The following PRRT4 variants were observed in gnomAD, a reference collection of about 807,000 sequenced individuals.
PRRT4 encodes proline rich transmembrane protein 4.
PRRT4 carries 59 observed loss-of-function variants against 55.6 expected under a neutral mutation model. The ratio of observed to expected loss-of-function variants is 1.06; its 90% CI spans 0.86 to 1.32. The LOEUF (loss-of-function observed/expected upper bound fraction) is 1.32. PRRT4 is among the 40% of genes most tolerant of loss of function. PRRT4 has a pLI of 0.00. For synonymous variants in PRRT4, 606 were observed against 601.8 expected (o/e 1.01, Z -0.10); for missense variants, 1,217 against 1,222.0 (o/e 1.00, Z 0.06).
chr7:128,351,502 G>T, exon 5 of PRRT4: 1 of 1,506,728 alleles, frequency 6.6e-7, no homozygotes. Context: ...TAGGAGGTCT[G>T]GGCCTGGCCC....
chr7:128,356,807 T>C (rs1345020571), intron 4 of PRRT4, among the ~76,000 whole-genome samples: 1 of 152,242 alleles, frequency 6.6e-6, no homozygotes, highest in Admixed American at 6.5e-5. Context: ...TGCTGGAAGC[T>C]ACAGCCCATT....
Position 128,359,625 on chromosome 7 carries a change from G to A in PRRT4, c.367C>T (p.Arg123Trp), listed in dbSNP as rs1205887671. ...GACTCCGGAAGCAGGGAGGAGGCCCGGGGCTTTGAGCCACCTTCGGTGGAG... is the reference window on the plus strand; with the variant it reads ...GACTCCGGAAGCAGGGAGGAGGCCCAGGGCTTTGAGCCACCTTCGGTGGAG... Residue 123 changes from arginine (R) to tryptophan (W), a missense_variant, in exon 2 of 5, where the codon CGG (arginine) becomes TGG (tryptophan). Arg to Trp is a moderately radical substitution (Grantham distance 101). Coordinates refer to ENST00000535159, the Ensembl canonical transcript of PRRT4. 2.5e-5 allele frequency: 38 copies of A among 1,535,854 alleles called. No individual in the cohort carries two copies. In the Admixed American group the frequency reaches 2.7e-4, roughly 11 times the overall value.
chr7:128,352,484 G>A (rs1003964617), exon 5 of PRRT4: 6 of 1,540,566 alleles, frequency 3.9e-6, no homozygotes, highest in African/African-American at 1.4e-5. Context: ...AGCCCCCAGC[G>A]AGCCCTGGCC....
In PRRT4 at chr7:128,358,793, A is replaced by G. The variant is rs1320656193; in HGVS notation, c.765T>C (p.Leu255=). The G allele has an allele frequency of 1.3e-6, 2 of 1,542,112 alleles. No individual in the cohort carries two copies. The highest frequency in any genetic ancestry group is 1.7e-6 in the Non-Finnish European group (2 of 1,143,678). ...ATGGGGGCAGGGACAGAGTGGTACC[A>G]AGGAACCCTGCAAAGGGAGCACATG... The change falls in exon 4 of 5, where the codon CTT becomes CTC. Residue 255 remains leucine, a synonymous_variant. Coordinates refer to ENST00000535159, the Ensembl canonical transcript of PRRT4. This position sits in a 1 kb window ranked among gnomAD's most constrained non-coding sequence, Gnocchi z 4.4.
At chr7:128,351,211 C>T (rs1231111316) in exon 5 of PRRT4, 1 of 1,540,314 alleles carries the variant, frequency 6.5e-7, no homozygotes, top group African/African-American at 1.4e-5. Context: ...CGCAGCGGGG[C>T]CAGAGGCCTC....
chr7:128,359,348 C>T (rs1013141914), exon 2 of PRRT4: 22 of 1,477,022 alleles, frequency 1.5e-5, no homozygotes, highest in Non-Finnish European at 1.8e-5. Flanking sequence ...ACCAAAGGGT[C>T]CCAGGCGCCC....
chr7:128,353,492 T>C (rs939366872), intron 4 of PRRT4, among the ~76,000 whole-genome samples: 15 of 151,544 alleles, frequency 9.9e-5, no homozygotes, highest in African/African-American at 3.6e-4. Flanking sequence ...AGGGGAGAGG[T>C]AAGACAATGC....
In PRRT4 at chr7:128,350,935, GCCTC is replaced by G; in HGVS notation, c.2617_2620del (p.Glu873ProfsTer17). ...GTCCAGGAACTGCTCCTGCAGCAAG[GCCTC>G]CTCGGCCTGCAGCTCAGAAGCAGGC... On this transcript the variant is annotated frameshift_variant, in exon 5 of 5. Transcript: ENST00000535159. LOFTEE classifies it high-confidence loss of function. 6.4e-7 allele frequency: 1 copy of G among 1,550,930 alleles called. No individual in the cohort carries two copies. The highest frequency in any genetic ancestry group is 8.7e-7 in the Non-Finnish European group (1 of 1,146,978).
intron 1 of PRRT4, among the ~76,000 whole-genome samples, 191 bp downstream of exon 2, chr7:128,361,097 TCTCTCTCACACACACACA>T (rs1475010163): frequency 7.3e-6 from 1 of 136,302 alleles, no homozygotes; most frequent in African/African-American, 2.9e-5. Context: ...TCTCTCTCTC[TCTCTCTCACACACACACA>T]CACACACACA....
At chr7:128,361,032 T>C (rs1395073317) in intron 1 of PRRT4, among the ~76,000 whole-genome samples, 6 of 128,576 alleles carry the variant, frequency 4.7e-5, no homozygotes, top group African/African-American at 1.8e-4. Flanking sequence ...CTCTCCTCCC[T>C]GCATGGGTTC....
chr7:128,359,208 A>G, exon 3 of PRRT4: 1 of 1,551,778 alleles, frequency 6.4e-7, no homozygotes, highest in Non-Finnish European at 8.7e-7. Flanking sequence ...TGGGGGGCTC[A>G]GGCCGGAGAA....
At chr7:128,352,587 G>A in exon 5 of PRRT4, 1 of 1,544,230 alleles carries the variant, frequency 6.5e-7, no homozygotes, top group Non-Finnish European at 8.7e-7. Flanking sequence ...CCACGCTGCA[G>A]GACCCTGGCC....
At chr7:128,357,498 T>C (rs768833597) in intron 4 of PRRT4, among the ~76,000 whole-genome samples, 1 of 152,244 alleles carries the variant, frequency 6.6e-6, no homozygotes, top group Non-Finnish European at 1.5e-5. Flanking sequence ...GCCAGCATCC[T>C]TCCCCTGAGG....
rs1015302415 is a variant in PRRT4, at chr7:128,351,482, C to A, written c.2074G>T (p.Gly692Ter). 1 of 1,519,638 alleles carries A rather than the reference C, an allele frequency of 6.6e-7. No homozygotes were observed. The highest frequency in any genetic ancestry group is 2.0e-5 in the Admixed American group (1 of 49,450). 94.1% of individuals were successfully genotyped at this position (1,519,638 alleles called of 1,614,324 possible). Residue 692 changes from glycine to a stop codon, truncating the protein, a stop_gained, in exon 5 of 5, where the codon GGA (glycine) becomes TGA (stop). Coordinates refer to ENST00000535159, the Ensembl canonical transcript of PRRT4. LOFTEE classifies it high-confidence loss of function. ...GCGCCTTCGAAGCCCCGGCAACCTC[C>A]GCCCTGGAGTAGGAGGTCTGGGCCT...
At chr7:128,360,946 A>T (rs974312822) in intron 1 of PRRT4, among the ~76,000 whole-genome samples, 5 of 149,956 alleles carry the variant, frequency 3.3e-5, no homozygotes, top group Admixed American at 3.3e-4. Flanking sequence ...CCCGTGACAC[A>T]CTCACCCGTC....
At chr7:128,355,951 C>T (rs930601550) in intron 4 of PRRT4, among the ~76,000 whole-genome samples, 1 of 152,310 alleles carries the variant, frequency 6.6e-6, no homozygotes, top group African/African-American at 2.4e-5. Context: ...ATGGCAACTA[C>T]AGCAAATTTC....
At chr7:128,352,434 G>C (rs1562966635) in exon 5 of PRRT4, 2 of 1,537,610 alleles carry the variant, frequency 1.3e-6, no homozygotes, top group Non-Finnish European at 1.7e-6. Flanking sequence ...CAACCAGGCC[G>C]AAGAGCGCGC....
intron 4 of PRRT4, among the ~76,000 whole-genome samples, chr7:128,354,509 A>C (rs917913026): frequency 6.6e-6 from 1 of 152,140 alleles, no homozygotes; most frequent in South Asian, 2.1e-4. Context: ...GGTTGCAGTA[A>C]GCAGAGATCG....
chr7:128,359,887 G>T, exon 2 of PRRT4: 1 of 1,465,458 alleles, frequency 6.8e-7, no homozygotes, highest in South Asian at 1.4e-5. Flanking sequence ...GGGTCAAAGT[G>T]GTGGCAGGGG....
Sources: gnomAD v4.1 joint callset for allele counts (sites outside exome capture counted in the v4.1 genomes callset) on GRCh38, gnomAD v4.1.1 for gene constraint, Gnocchi (gnomAD v3.1) non-coding constraint, MANE v1.5 for transcripts, NCBI Gene and HGNC (gene_info 2026-07-23, HGNC 2026-07-21) for gene names.